RNF38: variants seen among roughly 807,000 people sequenced by gnomAD.
RNF38 encodes the protein E3 ubiquitin-protein ligase RNF38.
RNF38 carries 15 observed loss-of-function variants against 67.2 expected under a neutral mutation model. That is an observed-to-expected ratio of 0.22 (90% CI 0.15 to 0.34). RNF38 has a LOEUF of 0.34. RNF38 is among the 10% of genes least tolerant of loss of function. The pLI is 1.00. For synonymous variants in RNF38, 220 were observed against 218.8 expected, an observed-to-expected ratio of 1.01 and a Z score of -0.05; for missense variants, 524 against 639.9, an observed-to-expected ratio of 0.82 and a Z score of 1.95.
At chr9:36,372,489 T>G (rs1319043084) in intron 3 of RNF38, 1 of 704,686 alleles carries the variant, frequency 1.4e-6, no homozygotes, top group Non-Finnish European at 2.6e-6. Flanking sequence ...CCTAGCTTTG[T>G]GCTCACCTCT....
intron 2 of RNF38, among the ~76,000 whole-genome samples, chr9:36,378,445 G>A (rs1254861717): frequency 6.6e-6 from 1 of 151,978 alleles, no homozygotes; most frequent in Non-Finnish European, 1.5e-5. Context: ...CAAACTGCTG[G>A]GTTTACAGGT....
chr9:36,487,296 G>A, intron 1 of RNF38: 4 of 985,114 alleles, frequency 4.1e-6, no homozygotes, highest in South Asian at 9.3e-5. Context: ...GGCCCGCTCC[G>A]GGACCCCGTA....
rs559468295 is a variant in RNF38 at position 36,354,094 on chromosome 9, C to A, written c.910-763G>T. 5.3e-5 allele frequency among the ~76,000 whole-genome samples: 8 copies of A among 152,332 alleles called. No homozygotes were observed. The East Asian group carries it at 1.5e-3, about 29-fold the overall frequency. On this transcript the variant is annotated intron_variant, in intron 6 of 11. Transcript: ENST00000259605. ...TATATTAACAGTTATGTAACCATCACCACTATCTAGTTCCAGAACATTTTC... is the reference window on the plus strand; with the variant it reads ...TATATTAACAGTTATGTAACCATCAACACTATCTAGTTCCAGAACATTTTC...
chr9:36,449,473 T>C (rs1359670631), intron 1 of RNF38, among the ~76,000 whole-genome samples: 4 of 151,722 alleles, frequency 2.6e-5, no homozygotes, highest in Middle Eastern at 6.8e-3. Context: ...CATCACTCTG[T>C]CGCCCAGGCT....
At chr9:36,442,768 G>A (rs1177313739) in intron 1 of RNF38, among the ~76,000 whole-genome samples, 1 of 152,164 alleles carries the variant, frequency 6.6e-6, no homozygotes, top group Non-Finnish European at 1.5e-5. Flanking sequence ...ACAGAGAGAG[G>A]CTCAGTCTCA....
intron 7 of RNF38, 138 bp from the exon 8 acceptor site, chr9:36,352,986 C>T: frequency 1.2e-6 from 1 of 802,868 alleles, no homozygotes; most frequent in Non-Finnish European, 2.0e-6. Flanking sequence ...TAAATACTAA[C>T]TTATTAATGG....
chr9:36,358,900 A>T (rs1317483047), intron 4 of RNF38, among the ~76,000 whole-genome samples: 1 of 152,184 alleles, frequency 6.6e-6, no homozygotes, highest in African/African-American at 2.4e-5. Flanking sequence ...AATCCCAGCT[A>T]CTTGGGAGGC....
chr9:36,438,437 A>G (rs1189933589), intron 1 of RNF38, among the ~76,000 whole-genome samples: 1 of 152,010 alleles, frequency 6.6e-6, no homozygotes, highest in Admixed American at 6.6e-5. Context: ...TAAGCTCATC[A>G]GCAATCGTTA....
At chr9:36,450,879 A>C (rs1587158918) in intron 1 of RNF38, among the ~76,000 whole-genome samples, 1 of 152,042 alleles carries the variant, frequency 6.6e-6, no homozygotes, top group Admixed American at 6.6e-5. Flanking sequence ...GTGCCATTGC[A>C]CTCCAGCCAA....
At chr9:36,358,600 T>C (rs1265305810) in intron 4 of RNF38, among the ~76,000 whole-genome samples, 2 of 152,356 alleles carry the variant, frequency 1.3e-5, no homozygotes, top group East Asian at 3.9e-4. Flanking sequence ...TTCTCTTTGG[T>C]ACTAGCCAGA....
At chr9:36,406,050 T>C (rs946145792), upstream of RNF38, among the ~76,000 whole-genome samples, 53 of 152,342 alleles carry the variant, frequency 3.5e-4, no homozygotes, top group Admixed American at 1.0e-3. Flanking sequence ...CACACTTGTA[T>C]CATAACACCT....
At chr9:36,371,947 T>C (rs1435922237) in intron 3 of RNF38, among the ~76,000 whole-genome samples, 3 of 151,674 alleles carry the variant, frequency 2.0e-5, no homozygotes, top group Non-Finnish European at 4.4e-5. Flanking sequence ...TTTTTTTTTT[T>C]TGAGACAGAG....
At chr9:36,378,918 G>A (rs1037166608) in intron 2 of RNF38, among the ~76,000 whole-genome samples, 7 of 96,960 alleles carry the variant, frequency 7.2e-5, no homozygotes, top group Non-Finnish European at 1.4e-4. Flanking sequence ...TTTTTTTTTT[G>A]AGACGGAGTT....
At chr9:36,434,339 G>A (rs1416290672) in intron 1 of RNF38, among the ~76,000 whole-genome samples, 4 of 132,760 alleles carry the variant, frequency 3.0e-5, no homozygotes, top group Non-Finnish European at 6.5e-5. Context: ...AAGGAGGAGG[G>A]GGAGGGCAGG....
intron 1 of RNF38, among the ~76,000 whole-genome samples, chr9:36,474,962 T>C (rs746143188): frequency 1.4e-5 from 2 of 146,558 alleles, no homozygotes; most frequent in Admixed American, 6.8e-5. Context: ...GCCAACATGG[T>C]GAAACCCCAT....
At chr9:36,371,811 G>T (rs1008874234) in intron 3 of RNF38, among the ~76,000 whole-genome samples, 1 of 151,848 alleles carries the variant, frequency 6.6e-6, no homozygotes, top group Non-Finnish European at 1.5e-5. Context: ...TAGACATTTA[G>T]AACTTATGAC....
intron 2 of RNF38, 52 bp from the exon 3 acceptor site, chr9:36,376,179 C>T (rs1319135999): frequency 2.2e-6 from 3 of 1,351,974 alleles, no homozygotes; most frequent in Non-Finnish European, 3.0e-6. Context: ...AAAGATTTCA[C>T]ATTACTGCAT....
chr9:36,459,681 A>G (rs2381523), intron 1 of RNF38, among the ~76,000 whole-genome samples: 101,559 of 151,876 alleles, frequency 0.67, 34,046 homozygotes, highest in Non-Finnish European at 0.69. Flanking sequence ...ATTATTGTAT[A>G]GTGCTTACAA....
upstream of RNF38, chr9:36,487,653 G>C (rs1392873011): frequency 1.1e-6 from 1 of 888,018 alleles, no homozygotes; most frequent in Non-Finnish European, 1.3e-6. Flanking sequence ...TGGCGGCGAC[G>C]GAGGCGGCTC....
Sources: gnomAD v4.1 joint callset for allele counts (sites outside exome capture counted in the v4.1 genomes callset) on GRCh38, gnomAD v4.1.1 for gene constraint, MANE v1.5 for transcripts, NCBI Gene and HGNC (gene_info 2026-07-23, HGNC 2026-07-21) for gene names.